Variants in KCNH7 observed in about 807,000 individuals in gnomAD.
The protein encoded by KCNH7 is voltage-gated inwardly rectifying potassium channel KCNH7.
KCNH7 carries 49 observed loss-of-function variants against 120.8 expected under a neutral mutation model. The ratio of observed to expected loss-of-function variants is 0.41; its 90% CI spans 0.32 to 0.51. The LOEUF is 0.51. Among genes scored for constraint, KCNH7 ranks in the 20% least tolerant of loss-of-function variants. The pLI is 0.38. For missense variants in KCNH7, 1,097 were observed against 1,446.6 expected (o/e 0.76, Z 3.92); for synonymous variants, 547 against 516.1 (o/e 1.06, Z -0.81).
At chr2:162,434,036 T>C (rs2105518096) in intron 8 of KCNH7, among the ~76,000 whole-genome samples, 1 of 152,156 alleles carries the variant, frequency 6.6e-6, no homozygotes, top group East Asian at 1.9e-4. Context: ...CAATATGGAC[T>C]ACTATGCAGC....
chr2:162,753,794 T>A (rs1688693739), intron 2 of KCNH7, among the ~76,000 whole-genome samples: 1 of 152,154 alleles, frequency 6.6e-6, no homozygotes, highest in Admixed American at 6.5e-5. Context: ...TCAAGAATCA[T>A]TTCCCTTTCC....
At chr2:162,795,037 G>A (rs1438990142) in intron 2 of KCNH7, among the ~76,000 whole-genome samples, 2 of 151,998 alleles carry the variant, frequency 1.3e-5, no homozygotes, top group East Asian at 1.9e-4. Context: ...CAGTAGTTAA[G>A]AATATGCTTT....
At chr2:162,428,428 T>G (rs1227342419) in intron 8 of KCNH7, among the ~76,000 whole-genome samples, 2 of 151,672 alleles carry the variant, frequency 1.3e-5, no homozygotes, top group African/African-American at 4.9e-5. Flanking sequence ...TTTTCAAATT[T>G]ATTGAGACTT....
At chr2:162,608,209 A>G (rs558627505) in intron 2 of KCNH7, among the ~76,000 whole-genome samples, 11 of 152,316 alleles carry the variant, frequency 7.2e-5, no homozygotes, top group Non-Finnish European at 1.5e-4. Context: ...TAGTTCAGCC[A>G]GTCGGATACT....
chr2:162,795,860 T>C (rs1684127788), intron 2 of KCNH7: 1 of 152,090 alleles, frequency 6.6e-6, no homozygotes, highest in Non-Finnish European at 1.5e-5. Context: ...TCTAGGAGAA[T>C]AGGGTCATGG....
intron 2 of KCNH7, among the ~76,000 whole-genome samples, chr2:162,752,894 A>C (rs1224805958): frequency 3.4e-5 from 3 of 88,852 alleles, no homozygotes; most frequent in Non-Finnish European, 7.9e-5. Context: ...GAGCAAGACT[A>C]CATCTCAGAA....
At chr2:162,671,267 G>A (rs529471526) in intron 2 of KCNH7, among the ~76,000 whole-genome samples, 1 of 152,076 alleles carries the variant, frequency 6.6e-6, no homozygotes, top group Admixed American at 6.5e-5. Flanking sequence ...TATGTTTATT[G>A]CAGTACTATT....
At chr2:162,543,821 C>T (rs6716480) in intron 2 of KCNH7, among the ~76,000 whole-genome samples, 11,482 of 152,092 alleles carry the variant, frequency 0.075, 1,472 homozygotes, top group African/African-American at 0.26. Context: ...AGATAATACA[C>T]GTAAAGTAGT....
intron 2 of KCNH7, among the ~76,000 whole-genome samples, chr2:162,574,043 TAG>T (rs1371958254): frequency 6.6e-6 from 1 of 152,076 alleles, no homozygotes; most frequent in Non-Finnish European, 1.5e-5. Context: ...GGTAATTTTT[TAG>T]AGTTTGAAAT....
intron 6 of KCNH7, among the ~76,000 whole-genome samples, chr2:162,466,039 G>A (rs529519210): frequency 9.2e-5 from 14 of 152,052 alleles, no homozygotes; most frequent in Non-Finnish European, 1.8e-4. Flanking sequence ...TTAATTGACC[G>A]CATCTACTTC....
intron 2 of KCNH7, among the ~76,000 whole-genome samples, chr2:162,584,184 A>G (rs1455015481): frequency 1.3e-5 from 2 of 152,138 alleles, no homozygotes; most frequent in African/African-American, 4.8e-5. Flanking sequence ...ATACAGGTGT[A>G]TAGGCCTCTA....
intron 2 of KCNH7, among the ~76,000 whole-genome samples, chr2:162,579,666 T>A (rs374215366): frequency 7.2e-5 from 11 of 151,970 alleles, no homozygotes; most frequent in African/African-American, 2.7e-4. Context: ...AAAGTACCAT[T>A]TATTGAACAG....
At chr2:162,510,431 C>G (rs1178239012) in intron 5 of KCNH7, among the ~76,000 whole-genome samples, 2 of 151,436 alleles carry the variant, frequency 1.3e-5, no homozygotes, top group African/African-American at 4.8e-5. Context: ...TAGGTTAGCT[C>G]TTTGTGTAAC....
chr2:162,837,844 G>T (rs932639085), intron 1 of KCNH7, among the ~76,000 whole-genome samples: 2 of 152,054 alleles, frequency 1.3e-5, no homozygotes. Context: ...ATATTATTTT[G>T]AATAATGAGC....
chr2:162,790,573 A>G (rs1224315434), intron 2 of KCNH7, among the ~76,000 whole-genome samples: 2 of 152,100 alleles, frequency 1.3e-5, no homozygotes, highest in African/African-American at 4.8e-5. Flanking sequence ...CATAGATGCA[A>G]AAATCCTCAC....
intron 2 of KCNH7, among the ~76,000 whole-genome samples, chr2:162,611,882 T>G (rs928762946): frequency 6.6e-6 from 1 of 152,182 alleles, no homozygotes; most frequent in Non-Finnish European, 1.5e-5. Context: ...AGTCAAGGGA[T>G]TCTTCAAAAG....
intron 5 of KCNH7, among the ~76,000 whole-genome samples, chr2:162,509,962 G>A (rs1179670611): frequency 9.2e-5 from 14 of 151,666 alleles, no homozygotes; most frequent in African/African-American, 2.7e-4. Flanking sequence ...TATTTACGAA[G>A]TAGAGAAAGT....
intron 6 of KCNH7, chr2:162,501,863 A>G (rs1690697717): frequency 6.6e-6 from 1 of 152,102 alleles, no homozygotes; most frequent in African/African-American, 2.4e-5. Flanking sequence ...CATTAGGTCT[A>G]TAATAATATT....
chr2:162,711,320 T>C (rs1224876296), intron 2 of KCNH7, among the ~76,000 whole-genome samples: 2 of 152,232 alleles, frequency 1.3e-5, no homozygotes, highest in East Asian at 1.9e-4. Context: ...GAGGCTGCTA[T>C]TACCACCATT....
Sources: gnomAD v4.1 joint callset for allele counts (sites outside exome capture counted in the v4.1 genomes callset) on GRCh38, gnomAD v4.1.1 for gene constraint, MANE v1.5 for transcripts, NCBI Gene and HGNC (gene_info 2026-07-23, HGNC 2026-07-21) for gene names.